ROBO2: variants seen among roughly 807,000 people sequenced by gnomAD.
The protein encoded by ROBO2 is roundabout homolog 2.
Under a neutral mutation model 160.8 loss-of-function variants are expected in ROBO2, and 53 were observed. The observed-to-expected ratio is 0.33, with a 90% CI of 0.26 to 0.41. ROBO2 has a LOEUF of 0.41. ROBO2 is among the 10% of genes least tolerant of loss of function. The probability of loss-of-function intolerance (pLI) is 1.00; values close to 1 mark genes in which losing one functional copy is unlikely to be tolerated. For missense variants in ROBO2, 1,577 were observed against 1,722.4 expected (o/e 0.92, Z 1.49); for synonymous variants, 664 against 611.7 (o/e 1.09, Z -1.26).
intron 2 of ROBO2, among the ~76,000 whole-genome samples, chr3:76,390,634 CTTTA>C (rs1442312187): frequency 1.3e-5 from 2 of 152,182 alleles, no homozygotes; most frequent in African/African-American, 4.8e-5. Flanking sequence ...TCCCAGCCTA[CTTTA>C]TTTATTTTTC....
At chr3:76,384,475 A>G (rs2076785873) in intron 2 of ROBO2, among the ~76,000 whole-genome samples, 1 of 152,214 alleles carries the variant, frequency 6.6e-6, no homozygotes, top group African/African-American at 2.4e-5. Context: ...GATTGAGAGA[A>G]GGGAGTCTGT....
At chr3:77,223,841 A>T (rs1193828826) in intron 2 of ROBO2, among the ~76,000 whole-genome samples, 1 of 150,536 alleles carries the variant, frequency 6.6e-6, no homozygotes, top group Non-Finnish European at 1.5e-5. Context: ...ATTTTAATAA[A>T]ATTATATCAG....
intron 2 of ROBO2, among the ~76,000 whole-genome samples, chr3:76,146,799 C>A (rs2071915069): frequency 7.9e-6 from 1 of 126,066 alleles, no homozygotes; most frequent in Non-Finnish European, 1.6e-5. Flanking sequence ...ACCCACTGCC[C>A]AAGGTAACTC....
At chr3:76,558,559 A>C (rs114828678) in intron 2 of ROBO2, among the ~76,000 whole-genome samples, 183 of 152,226 alleles carry the variant, frequency 1.2e-3, no homozygotes, top group Non-Finnish European at 2.2e-3. Context: ...TGAAAAATTT[A>C]CATTTATACA....
At chr3:75,925,226 C>G (rs990790257) in intron 1 of ROBO2, among the ~76,000 whole-genome samples, 1 of 151,862 alleles carries the variant, frequency 6.6e-6, no homozygotes, top group Non-Finnish European at 1.5e-5. Flanking sequence ...AACCCCATCT[C>G]TACAAAAAAT....
At chr3:76,021,601 A>G (rs550602199) in intron 2 of ROBO2, among the ~76,000 whole-genome samples, 1 of 151,980 alleles carries the variant, frequency 6.6e-6, no homozygotes, top group East Asian at 1.9e-4. Context: ...AGTCATACAA[A>G]TTTGTTGGTT....
intron 5 of ROBO2, among the ~76,000 whole-genome samples, chr3:77,511,233 C>T (rs2089350443): frequency 6.6e-6 from 1 of 151,942 alleles, no homozygotes; most frequent in Non-Finnish European, 1.5e-5. Flanking sequence ...CCCATGTCTA[C>T]CATGGGAATG....
intron 2 of ROBO2, among the ~76,000 whole-genome samples, chr3:77,219,810 A>G (rs2085538660): frequency 6.6e-6 from 1 of 151,606 alleles, no homozygotes; most frequent in Non-Finnish European, 1.5e-5. Flanking sequence ...AAAAATCCAC[A>G]TTGTGTAGAA....
At chr3:77,062,285 A>T (rs531642277) in intron 1 of ROBO2, among the ~76,000 whole-genome samples, 4 of 152,250 alleles carry the variant, frequency 2.6e-5, no homozygotes, top group African/African-American at 9.6e-5. Flanking sequence ...TCTTCTGGGA[A>T]CCTTTCCTAC....
chr3:76,217,414 T>C (rs1703621519), intron 2 of ROBO2, among the ~76,000 whole-genome samples: 1 of 151,962 alleles, frequency 6.6e-6, no homozygotes. Context: ...GATAAACCTC[T>C]AGAAGACTAA....
chr3:76,828,537 A>G (rs567837076), intron 2 of ROBO2, among the ~76,000 whole-genome samples: 14 of 152,306 alleles, frequency 9.2e-5, no homozygotes, highest in Middle Eastern at 3.4e-3. Flanking sequence ...TTACTAGAGC[A>G]TAAGCATAAG....
At chr3:76,648,642 A>G (rs1043139189) in intron 2 of ROBO2, among the ~76,000 whole-genome samples, 28 of 152,248 alleles carry the variant, frequency 1.8e-4, no homozygotes, top group Admixed American at 4.6e-4. Flanking sequence ...CAAAACTTTC[A>G]GAGAATAAGT....
intron 2 of ROBO2, among the ~76,000 whole-genome samples, chr3:76,871,644 T>A (rs944139065): frequency 2.9e-4 from 44 of 152,196 alleles, no homozygotes; most frequent in African/African-American, 1.1e-3. Flanking sequence ...TTAGTAGAAT[T>A]TATACAGATA....
chr3:76,142,792 TAAAG>T (rs902497767), intron 2 of ROBO2, among the ~76,000 whole-genome samples: 1 of 151,842 alleles, frequency 6.6e-6, no homozygotes, highest in Non-Finnish European at 1.5e-5. Context: ...CATTTTTAAA[TAAAG>T]AGGATAATTG....
chr3:76,443,867 C>A (rs2077044207), intron 2 of ROBO2, among the ~76,000 whole-genome samples: 2 of 152,146 alleles, frequency 1.3e-5, no homozygotes, highest in Non-Finnish European at 2.9e-5. Context: ...AAAAGTTACA[C>A]ATAAGGTTTT....
rs74491584 is a variant in ROBO2, at chr3:77,522,192, G to A, written c.807-583G>A. ...GGTAAAACCATAAATGCACGTGAAC[G>A]AGCTGAGGATGTGCATTTCCAAAAA... On this transcript the variant is annotated intron_variant, in intron 5 of 25. Coordinates refer to ENST00000461745, the Ensembl canonical transcript of ROBO2. Among the ~76,000 whole-genome samples, 917 of 151,220 alleles carry A rather than the reference G, an allele frequency of 6.1e-3. 7 individuals carry two copies. The highest frequency in any genetic ancestry group is 0.01 in the Non-Finnish European group (697 of 67,422).
At chr3:77,447,188 C>G (rs913714709) in intron 2 of ROBO2, among the ~76,000 whole-genome samples, 6 of 152,054 alleles carry the variant, frequency 3.9e-5, no homozygotes, top group Admixed American at 3.3e-4. Flanking sequence ...ATAGCAACAG[C>G]CAATGCTAAT....
chr3:76,029,376 A>G (rs1190480980), intron 2 of ROBO2, among the ~76,000 whole-genome samples: 1 of 151,894 alleles, frequency 6.6e-6, no homozygotes, highest in South Asian at 2.1e-4. Flanking sequence ...CTTTATTATT[A>G]TTATTATACT....
chr3:77,120,838 A>G (rs955064305), intron 2 of ROBO2, among the ~76,000 whole-genome samples: 3 of 152,228 alleles, frequency 2.0e-5, no homozygotes, highest in South Asian at 2.1e-4. Flanking sequence ...ATTGATTTAC[A>G]TGTAGCCAGC....
Sources: allele counts gnomAD v4.1 joint callset (sites outside exome capture counted in the v4.1 genomes callset), GRCh38; gene constraint gnomAD v4.1.1; transcripts MANE v1.5; gene names NCBI Gene and HGNC (gene_info 2026-07-23, HGNC 2026-07-21).